Variants in NKAIN3 observed in about 807,000 individuals in gnomAD.
NKAIN3 encodes the protein sodium/potassium-transporting ATPase subunit beta-1-interacting protein 3.
Under a neutral mutation model 30.2 loss-of-function variants are expected in NKAIN3, and 25 were observed. The observed-to-expected ratio is 0.83, with a 90% CI of 0.60 to 1.16. NKAIN3 has a LOEUF of 1.16. NKAIN3 is among the 50% of genes most tolerant of loss of function. The probability of loss-of-function intolerance (pLI) is 0.00; values close to 1 mark genes in which losing one functional copy is unlikely to be tolerated. For missense variants in NKAIN3, 225 were observed against 254.1 expected (o/e 0.89, Z 0.78); for synonymous variants, 91 against 89.6 (o/e 1.02, Z -0.09).
chr8:62,446,769 T>C (rs1585817562), intron 1 of NKAIN3, among the ~76,000 whole-genome samples: 1 of 151,964 alleles, frequency 6.6e-6, no homozygotes, highest in East Asian at 1.9e-4. Context: ...ATCTTCAAGG[T>C]TGTAGAATGT....
chr8:62,578,228 A>C (rs900219697), intron 1 of NKAIN3, among the ~76,000 whole-genome samples: 2 of 152,140 alleles, frequency 1.3e-5, no homozygotes, highest in South Asian at 4.1e-4. Flanking sequence ...GAACATAATA[A>C]TGGCATTTTT....
intron 4 of NKAIN3, chr8:62,855,355 C>G: frequency 1.5e-6 from 1 of 679,486 alleles, no homozygotes; most frequent in Non-Finnish European, 2.7e-6. Context: ...GCTTCTTCAG[C>G]CCATATGCCT....
chr8:62,959,257 ACACAGGAAACC>A (rs1823502156), intron 6 of NKAIN3, among the ~76,000 whole-genome samples: 1 of 152,098 alleles, frequency 6.6e-6, no homozygotes, highest in Non-Finnish European at 1.5e-5. Flanking sequence ...CAATCCGGGT[ACACAGGAAACC>A]CACCTCTGAT....
In NKAIN3 at chr8:62,270,345, G is replaced by A. The variant is rs187408045; in HGVS notation, c.54+21218G>A. Reference sequence around the variant, plus strand: ...AGTCATCCTTCCTTGGCCTCTCAAAGTGCTGGGATTACAGTCATGAGCCCC... The same window carrying A: ...AGTCATCCTTCCTTGGCCTCTCAAAATGCTGGGATTACAGTCATGAGCCCC... On this transcript the variant is annotated intron_variant, in intron 1 of 6. Coordinates refer to ENST00000623646, the MANE Select transcript of NKAIN3 (RefSeq NM_001304533.3). Among the ~76,000 whole-genome samples the A allele has an allele frequency of 5.9e-5, 9 of 152,206 alleles. No homozygotes were observed. In the East Asian group the frequency reaches 1.4e-3, roughly 23 times the overall value.
intron 1 of NKAIN3, among the ~76,000 whole-genome samples, chr8:62,505,974 T>C (rs939029207): frequency 6.6e-6 from 1 of 152,154 alleles, no homozygotes; most frequent in Non-Finnish European, 1.5e-5. Context: ...CCCATATTCC[T>C]TGACATATGG....
intron 4 of NKAIN3, among the ~76,000 whole-genome samples, chr8:62,753,046 G>A (rs571449196): frequency 1.3e-5 from 2 of 152,156 alleles, no homozygotes; most frequent in South Asian, 4.1e-4. Flanking sequence ...ATTTTAATAA[G>A]TTTAGACTAC....
chr8:62,432,246 C>A (rs1004048714), intron 1 of NKAIN3, among the ~76,000 whole-genome samples: 2 of 151,942 alleles, frequency 1.3e-5, no homozygotes, highest in African/African-American at 4.8e-5. Context: ...ACTAAAGAAT[C>A]CCTGCAGAAG....
intron 3 of NKAIN3, among the ~76,000 whole-genome samples, chr8:62,744,839 T>A (rs1459660247): frequency 6.6e-6 from 1 of 152,176 alleles, no homozygotes; most frequent in African/African-American, 2.4e-5. Context: ...CGTTTTATTA[T>A]CAATAAAGTG....
At chr8:62,852,585 G>A (rs541537530) in intron 4 of NKAIN3, among the ~76,000 whole-genome samples, 1 of 151,946 alleles carries the variant, frequency 6.6e-6, no homozygotes, top group East Asian at 1.9e-4. Flanking sequence ...TCTCTTGTGG[G>A]CATTCAGTGC....
chr8:62,925,628 A>G (rs1822411566), intron 5 of NKAIN3, among the ~76,000 whole-genome samples: 1 of 152,152 alleles, frequency 6.6e-6, no homozygotes, highest in Admixed American at 6.6e-5. Flanking sequence ...TGGTGGTCCT[A>G]ACTGCCAATA....
intron 1 of NKAIN3, among the ~76,000 whole-genome samples, chr8:62,539,199 G>A (rs1416054939): frequency 6.6e-6 from 1 of 152,158 alleles, no homozygotes; most frequent in Non-Finnish European, 1.5e-5. Flanking sequence ...GAGCTTGAAT[G>A]CAAAATTAGC....
chr8:62,249,380 C>A (rs1016939803), intron 1 of NKAIN3, among the ~76,000 whole-genome samples: 1 of 152,178 alleles, frequency 6.6e-6, no homozygotes, highest in Non-Finnish European at 1.5e-5. Flanking sequence ...TCGCCGCGCT[C>A]CCGCCGGGCG....
At chr8:62,460,424 A>AG (rs1475113515) in intron 1 of NKAIN3, among the ~76,000 whole-genome samples, 3 of 152,012 alleles carry the variant, frequency 2.0e-5, no homozygotes, top group Non-Finnish European at 4.4e-5. Context: ...AAAAAAAAAA[A>AG]AAAGAAAGAA....
chr8:62,320,447 G>C (rs951893063), intron 1 of NKAIN3, among the ~76,000 whole-genome samples: 5 of 151,996 alleles, frequency 3.3e-5, no homozygotes, highest in African/African-American at 1.2e-4. Context: ...TTACAATTTG[G>C]CATGTTTTTG....
chr8:62,672,515 AC>A (rs372368041), intron 3 of NKAIN3, among the ~76,000 whole-genome samples: 3 of 152,320 alleles, frequency 2.0e-5, no homozygotes, highest in Non-Finnish European at 4.4e-5. Context: ...AAGGATGTTT[AC>A]TATACTTGGA....
intron 1 of NKAIN3, among the ~76,000 whole-genome samples, chr8:62,474,432 G>C (rs1275971673): frequency 6.6e-6 from 1 of 152,154 alleles, no homozygotes; most frequent in Non-Finnish European, 1.5e-5. Flanking sequence ...TTTTGAATCT[G>C]AAGGAGCCTA....
chr8:62,321,409 A>C (rs990402739), intron 1 of NKAIN3, among the ~76,000 whole-genome samples: 4 of 152,192 alleles, frequency 2.6e-5, no homozygotes, highest in Middle Eastern at 3.4e-3. Flanking sequence ...AGGTGCTCTG[A>C]TTTTTAGAGT....
At chr8:62,359,783 A>G (rs1447027318) in intron 1 of NKAIN3, among the ~76,000 whole-genome samples, 3 of 152,248 alleles carry the variant, frequency 2.0e-5, no homozygotes, top group African/African-American at 7.2e-5. Context: ...ACACTAATTG[A>G]TGATGCCACT....
At chr8:62,558,311 C>A (rs1809470596) in intron 1 of NKAIN3, among the ~76,000 whole-genome samples, 2 of 152,050 alleles carry the variant, frequency 1.3e-5, no homozygotes, top group Non-Finnish European at 1.5e-5. Flanking sequence ...GTGACTATGG[C>A]CTTATAGTAT....
Sources: gnomAD v4.1 joint callset for allele counts (sites outside exome capture counted in the v4.1 genomes callset) on GRCh38, gnomAD v4.1.1 for gene constraint, MANE v1.5 for transcripts, NCBI Gene and HGNC (gene_info 2026-07-23, HGNC 2026-07-21) for gene names.